Variants in KLHL18 observed in about 807,000 individuals in gnomAD.
KLHL18 encodes kelch-like protein 18.
Under a neutral mutation model 58.5 loss-of-function variants are expected in KLHL18, and 38 were observed. The ratio of observed to expected loss-of-function variants is 0.65; its 90% CI spans 0.50 to 0.85. The LOEUF (loss-of-function observed/expected upper bound fraction) is 0.85, where lower values mean the gene tolerates loss of function less well. Ranked by LOEUF, KLHL18 falls within the 40% of genes least tolerant of loss-of-function variation. The pLI is 0.00. For missense variants in KLHL18, 624 were observed against 778.4 expected, an observed-to-expected ratio of 0.80 and a Z score of 2.36; for synonymous variants, 303 against 301.9, an observed-to-expected ratio of 1.00 and a Z score of -0.04.
At chr3:47,341,924 A>C (rs1314525852) in intron 8 of KLHL18, among the ~76,000 whole-genome samples, 1 of 148,160 alleles carries the variant, frequency 6.7e-6, no homozygotes, top group African/African-American at 2.5e-5. Context: ...AAAAGGAGAG[A>C]GAGAAAAAAA....
chr3:47,332,355 C>CA (rs1003717855), intron 4 of KLHL18, among the ~76,000 whole-genome samples: 19 of 144,026 alleles, frequency 1.3e-4, no homozygotes, highest in East Asian at 2.0e-4. Flanking sequence ...ACCCTATCTC[C>CA]AAAAAAAAAG....
intron 1 of KLHL18, among the ~76,000 whole-genome samples, chr3:47,306,039 T>C (rs1703140885): frequency 6.6e-6 from 1 of 152,072 alleles, no homozygotes; most frequent in Non-Finnish European, 1.5e-5. Flanking sequence ...TTTACTGTTT[T>C]CCTGTTTTTA....
At chr3:47,320,158 T>A (rs910379360) in intron 2 of KLHL18, among the ~76,000 whole-genome samples, 1 of 152,080 alleles carries the variant, frequency 6.6e-6, no homozygotes, top group African/African-American at 2.4e-5. Context: ...TTCATTTACA[T>A]CCCTTCTTAT....
chr3:47,321,159 T>A (rs540525884), intron 2 of KLHL18, among the ~76,000 whole-genome samples: 25 of 151,772 alleles, frequency 1.6e-4, no homozygotes, highest in African/African-American at 5.8e-4. Flanking sequence ...TCTGCCAACC[T>A]TTTTTTTGGG....
intron 1 of KLHL18, among the ~76,000 whole-genome samples, chr3:47,290,297 A>C (rs1295442647): frequency 6.6e-6 from 1 of 152,220 alleles, no homozygotes; most frequent in Non-Finnish European, 1.5e-5. Flanking sequence ...GAGAAGATGC[A>C]GGCTTTTTCT....
intron 1 of KLHL18, among the ~76,000 whole-genome samples, chr3:47,300,968 A>G (rs1455726005): frequency 6.6e-6 from 1 of 152,054 alleles, no homozygotes; most frequent in Admixed American, 6.6e-5. Flanking sequence ...GCATTTTGCT[A>G]ATGGGTAATG....
At chr3:47,290,654 G>A (rs1273936328) in intron 1 of KLHL18, among the ~76,000 whole-genome samples, 2 of 152,062 alleles carry the variant, frequency 1.3e-5, no homozygotes, top group Admixed American at 6.6e-5. Context: ...GAGAGATGGG[G>A]CCTCACCTTG....
chr3:47,297,208 T>A (rs2107588226), intron 1 of KLHL18, among the ~76,000 whole-genome samples: 1 of 152,268 alleles, frequency 6.6e-6, no homozygotes, highest in South Asian at 2.1e-4. Context: ...AAGAGTGTGC[T>A]CTAAAATGCT....
chr3:47,283,255 A>C, intron 1 of KLHL18, 161 bp downstream of exon 1: 44 of 603,830 alleles, frequency 7.3e-5, no homozygotes, highest in Middle Eastern at 4.6e-4. Flanking sequence ...GCAAAAGGGG[A>C]TCGGGGCCGA....
intron 1 of KLHL18, among the ~76,000 whole-genome samples, chr3:47,305,344 T>TG (rs1703121054): frequency 6.7e-6 from 1 of 149,286 alleles, no homozygotes; most frequent in South Asian, 2.2e-4. Context: ...GTTTTTTTTT[T>TG]TTTTTTTTTT....
chr3:47,316,067 C>T (rs1703414185), intron 1 of KLHL18, among the ~76,000 whole-genome samples: 1 of 152,052 alleles, frequency 6.6e-6, no homozygotes, highest in Admixed American at 6.6e-5. Context: ...AGAAATCTAA[C>T]ACCTGACTAA....
intron 1 of KLHL18, among the ~76,000 whole-genome samples, chr3:47,304,445 G>A (rs1164835518): frequency 6.6e-6 from 1 of 152,164 alleles, no homozygotes; most frequent in African/African-American, 2.4e-5. Context: ...TGAGGCTATA[G>A]TGAGCTACGA....
intron 1 of KLHL18, among the ~76,000 whole-genome samples, chr3:47,306,444 G>A (rs1188867763): frequency 1.3e-5 from 2 of 152,116 alleles, no homozygotes; most frequent in African/African-American, 4.8e-5. Context: ...ATTTTACATT[G>A]TGTTGTGTGT....
Position 47,334,943 on chromosome 3 carries a change from A to G in KLHL18, c.898+124A>G. 2 of 913,016 alleles carry G rather than the reference A, an allele frequency of 2.2e-6. No homozygotes were observed. Among genetic ancestry groups the G allele is most frequent in the South Asian group, 3.6e-5 (2 of 55,964 alleles). 56.6% of individuals were successfully genotyped at this position (913,016 alleles called of 1,614,324 possible). On this transcript the variant is annotated intron_variant, in intron 6 of 9. Transcript: ENST00000232766. The surrounding 1 kb of genome is among the most constrained non-coding windows in gnomAD (Gnocchi z 4.7). ...ACTGTCACCACCCTTGCCCCTCTTG[A>G]TTTTATACAATTGCTCTACAGTTAG...
chr3:47,282,984 G>T lies in KLHL18; in HGVS notation c.19G>T (p.Glu7Ter). Residue 7 changes from glutamate to a stop codon, truncating the protein, a stop_gained, in exon 1 of 10, where the codon GAG (glutamate) becomes TAG (stop). Transcript: ENST00000232766. LOFTEE classifies it high-confidence loss of function. Reference sequence around the variant, plus strand: ...GGGGAAGATGGTGGAGGACGGCGCGGAGGAGCTGGAGGATCTGGTGCACTT... The same window carrying T: ...GGGGAAGATGGTGGAGGACGGCGCGTAGGAGCTGGAGGATCTGGTGCACTT... MVEDGA[E>*]ELEDLVHFSV... 2.5e-6 allele frequency: 4 copies of T among 1,610,968 alleles called. No individual in the cohort carries two copies. The highest frequency in any genetic ancestry group is 3.4e-6 in the Non-Finnish European group (4 of 1,178,916).
chr3:47,299,401 A>C (rs1185541424), intron 1 of KLHL18, among the ~76,000 whole-genome samples: 1 of 152,048 alleles, frequency 6.6e-6, no homozygotes, highest in Non-Finnish European at 1.5e-5. Context: ...TCATTTTAAA[A>C]TAATAATAAG....
rs563735072 is a variant in KLHL18, at chr3:47,334,259, G to A, written c.762-424G>A. 6.6e-6 allele frequency among the ~76,000 whole-genome samples: 1 copy of A among 152,252 alleles called. No individual in the cohort carries two copies. Among genetic ancestry groups the A allele is most frequent in the South Asian group, 2.1e-4 (1 of 4,820 alleles). ...GGAAGTGGAATGGAGGGGCAGGCCT[G>A]AGGCAGGGAAATGTGTCAGGAGCTG... On this transcript the variant is annotated intron_variant, in intron 5 of 9. Transcript: ENST00000232766. The surrounding 1 kb of genome is among the most constrained non-coding windows in gnomAD (Gnocchi z 4.7).
intron 1 of KLHL18, among the ~76,000 whole-genome samples, chr3:47,285,308 G>A (rs1433593466): frequency 6.6e-6 from 1 of 152,234 alleles, no homozygotes; most frequent in Non-Finnish European, 1.5e-5. Flanking sequence ...CATGGTAGAA[G>A]ATGTTAAGGC....
chr3:47,332,485 G>A (rs965295142), intron 4 of KLHL18, among the ~76,000 whole-genome samples: 14 of 152,082 alleles, frequency 9.2e-5, no homozygotes, highest in African/African-American at 3.4e-4. Flanking sequence ...TAGGAGCCTG[G>A]GAGAAAAGTG....
Sources: allele counts gnomAD v4.1 joint callset (sites outside exome capture counted in the v4.1 genomes callset), GRCh38; gene constraint gnomAD v4.1.1; non-coding constraint Gnocchi (gnomAD v3.1); transcripts MANE v1.5; gene names NCBI Gene and HGNC (gene_info 2026-07-23, HGNC 2026-07-21).